ANAPC16: variants seen among roughly 807,000 people sequenced by gnomAD.
The protein encoded by ANAPC16 is anaphase-promoting complex subunit 16.
Under a neutral mutation model 13.1 loss-of-function variants are expected in ANAPC16, and 6 were observed. The observed-to-expected ratio is 0.46, with a 90% confidence interval of 0.25 to 0.90. ANAPC16 has a LOEUF of 0.90. Ranked by LOEUF, ANAPC16 falls within the 40% of genes least tolerant of loss-of-function variation. The probability of loss-of-function intolerance (pLI) is 0.18; values close to 1 mark genes in which losing one functional copy is unlikely to be tolerated. For missense variants in ANAPC16, 113 were observed against 131.1 expected (o/e 0.86, Z 0.67); for synonymous variants, 55 against 51.3 (o/e 1.07, Z -0.31).
At chr10:72,232,628 G>A (rs112800164) in intron 3 of ANAPC16, among the ~76,000 whole-genome samples, 8,761 of 140,018 alleles carry the variant, frequency 0.063, 901 homozygotes, top group African/African-American at 0.22. Context: ...TTTTTGAGAC[G>A]GATTCTCACT....
chr10:72,222,098 G>A (rs918539754), intron 1 of ANAPC16, among the ~76,000 whole-genome samples: 1 of 151,382 alleles, frequency 6.6e-6, no homozygotes, highest in Non-Finnish European at 1.5e-5. Flanking sequence ...GGAGACCACG[G>A]TGGGAGAATC....
chr10:72,221,603 A>G (rs1376676379), intron 1 of ANAPC16, among the ~76,000 whole-genome samples: 13 of 124,338 alleles, frequency 1.0e-4, no homozygotes, highest in African/African-American at 3.5e-4. Context: ...CCCAGACTGG[A>G]GTGCAATGGA....
intron 2 of ANAPC16, among the ~76,000 whole-genome samples, chr10:72,227,973 G>T (rs776612192): frequency 2.0e-5 from 3 of 151,096 alleles, no homozygotes; most frequent in East Asian, 3.9e-4. Context: ...GGAGGTTGCA[G>T]TGAGCCGAGA....
chr10:72,225,648 T>C (rs1218021822), intron 2 of ANAPC16, among the ~76,000 whole-genome samples: 9 of 152,120 alleles, frequency 5.9e-5, no homozygotes, highest in Admixed American at 2.6e-4. Context: ...ACGCCTGTAA[T>C]CCCAGCACTT....
intron 1 of ANAPC16, chr10:72,217,106 G>T (rs1362699166): frequency 4.4e-6 from 2 of 453,418 alleles, no homozygotes; most frequent in Admixed American, 4.7e-5. Flanking sequence ...ACTGCCCCAG[G>T]TTCTGTGCTC....
rs1315979361 is a variant in ANAPC16 at position 72,233,134 on chromosome 10, C to T, written c.*18C>T. On this transcript the variant is annotated 3_prime_UTR_variant, in exon 4 of 4. Coordinates refer to ENST00000299381, the MANE Select transcript of ANAPC16 (RefSeq NM_173473.4). ...CAGGTTGATACTGCCTGGATGGTCA[C>T]CTCTGGTGCGCAGCAAGTGCAAAGC... 4 of 1,604,322 alleles carry T rather than the reference C, an allele frequency of 2.5e-6. No homozygotes were observed. The highest frequency in any genetic ancestry group is 3.3e-5 in the Admixed American group (2 of 59,952).
At chr10:72,225,676 C>A (rs1295992936) in intron 2 of ANAPC16, among the ~76,000 whole-genome samples, 1 of 152,104 alleles carries the variant, frequency 6.6e-6, no homozygotes, top group Non-Finnish European at 1.5e-5. Context: ...CCAAGGCAGG[C>A]AGATCACAAG....
chr10:72,230,641 TC>T (rs979769224), intron 3 of ANAPC16, among the ~76,000 whole-genome samples: 3 of 152,192 alleles, frequency 2.0e-5, no homozygotes, highest in Non-Finnish European at 4.4e-5. Flanking sequence ...ACGTTTGTAA[TC>T]CCAGCACTTT....
chr10:72,223,700 T>C (rs1304683079), intron 1 of ANAPC16, 188 bp from the exon 2 acceptor site: 4 of 425,074 alleles, frequency 9.4e-6, no homozygotes, highest in African/African-American at 2.0e-5. Flanking sequence ...TTAAGCATAT[T>C]TTCAGTTCAA....
At chr10:72,218,813 C>T (rs189078994) in intron 1 of ANAPC16, among the ~76,000 whole-genome samples, 27 of 152,336 alleles carry the variant, frequency 1.8e-4, no homozygotes, top group African/African-American at 6.3e-4. Flanking sequence ...TCCACCTCAG[C>T]AGAAAACTGC....
chr10:72,224,056 G>A lies in ANAPC16; in HGVS notation c.142G>A (p.Asp48Asn). 6.3e-7 allele frequency: 1 copy of A among 1,584,050 alleles called. No individual in the cohort carries two copies. Among genetic ancestry groups the A allele is most frequent in the Non-Finnish European group, 8.6e-7 (1 of 1,159,342 alleles). Reference protein sequence around the residue: ...YPKGAGEMLEDGSERFLCESV... With the variant: ...YPKGAGEMLENGSERFLCESV... Reference sequence around the variant, plus strand: ...CAAAGGAGCTGGAGAGATGTTAGAAGGTGATCTCATGCTGCTTTCTGAATA... The same window carrying A: ...CAAAGGAGCTGGAGAGATGTTAGAAAGTGATCTCATGCTGCTTTCTGAATA... The change falls in exon 2 of 4, where the codon GAT becomes AAT. Residue 48 changes from aspartate to asparagine, a missense_variant and splice_region_variant. Transcript: ENST00000299381.
At chr10:72,225,641 CCTGTAATCCCAGCACT>C (rs1351323657) in intron 2 of ANAPC16, among the ~76,000 whole-genome samples, 13 of 152,178 alleles carry the variant, frequency 8.5e-5, no homozygotes, top group African/African-American at 2.9e-4. Flanking sequence ...GTAACTCACG[CCTGTAATCCCAGCACT>C]TCTGGAGGCC....
intron 1 of ANAPC16, among the ~76,000 whole-genome samples, chr10:72,222,718 G>A (rs946972058): frequency 8.5e-5 from 13 of 152,236 alleles, no homozygotes; most frequent in South Asian, 2.1e-4. Context: ...CGGAGGTTGC[G>A]GTGAGCCGAT....
At chr10:72,216,264 G>A (rs941733303) in intron 1 of ANAPC16, 126 bp downstream of exon 1, 1 of 159,328 alleles carries the variant, frequency 6.3e-6, no homozygotes, top group Admixed American at 6.1e-5. Flanking sequence ...TGCTGCAGCA[G>A]ACGTGCGATA....
chr10:72,224,612 C>CA (rs66526217), intron 2 of ANAPC16, among the ~76,000 whole-genome samples: 1,778 of 103,340 alleles, frequency 0.017, 21 homozygotes, highest in South Asian at 0.073. Context: ...GACTCTGTCT[C>CA]AAAAAAAAAA....
At position 72,233,008 on chromosome 10, in the gene ANAPC16, A is replaced by G. The variant is rs773962859; in HGVS notation, c.225A>G (p.Gln75=). ...STLKQVKHDQ[Q]VARMEKLAGL... Reference sequence around the variant, plus strand: ...TTCCTTGACTCCTTACAGATCAGCAAGTTGCTCGGATGGAAAAACTAGCTG... The same window carrying G: ...TTCCTTGACTCCTTACAGATCAGCAGGTTGCTCGGATGGAAAAACTAGCTG... Residue 75 remains glutamine (Q), a synonymous_variant, in exon 4 of 4, where the codon CAA becomes CAG. Coordinates refer to ENST00000299381, the MANE Select transcript of ANAPC16 (RefSeq NM_173473.4). 1.2e-5 allele frequency: 20 copies of G among 1,613,962 alleles called. No homozygotes were observed. In the Admixed American group the frequency reaches 1.5e-4, roughly 12 times the overall value.
intron 3 of ANAPC16, 146 bp from the exon 4 acceptor site, chr10:72,232,855 C>T (rs1402909363): frequency 6.4e-6 from 4 of 626,322 alleles, no homozygotes; most frequent in Non-Finnish European, 1.1e-5. Flanking sequence ...CCGCCCGCCT[C>T]GGCCTCCCAA....
At chr10:72,220,342 A>AAGAAG (rs1491151944) in intron 1 of ANAPC16, 1 of 150,266 alleles carries the variant, frequency 6.7e-6, no homozygotes, top group Non-Finnish European at 1.5e-5. Context: ...AAAAAAAAAA[A>AAGAAG]AGAAGAGAAA....
Position 72,233,428 on chromosome 10 carries a change from T to G in ANAPC16, c.*312T>G, listed in dbSNP as rs755950394. On this transcript the variant is annotated 3_prime_UTR_variant, in exon 4 of 4. Transcript: ENST00000299381. ...AAGCCAAGTAGGGCATATATCAGATTTGGCCAACTGAATGGCGTCTGTCCT... is the reference window on the plus strand; with the variant it reads ...AAGCCAAGTAGGGCATATATCAGATGTGGCCAACTGAATGGCGTCTGTCCT... The G allele has an allele frequency of 8.1e-6, 2 of 248,112 alleles. No homozygotes were observed. The highest frequency in any genetic ancestry group is 1.5e-4 in the South Asian group (2 of 13,292). 15.4% of individuals were successfully genotyped at this position (248,112 alleles called of 1,614,324 possible).
Sources: gnomAD v4.1 joint callset for allele counts (sites outside exome capture counted in the v4.1 genomes callset) on GRCh38, gnomAD v4.1.1 for gene constraint, MANE v1.5 for transcripts, NCBI Gene and HGNC (gene_info 2026-07-23, HGNC 2026-07-21) for gene names.